MTA1: variants seen among roughly 807,000 people sequenced by gnomAD.
MTA1 encodes metastasis-associated protein MTA1.
A neutral mutation model predicts 97.0 loss-of-function variants in MTA1; 15 were observed. That is an observed-to-expected ratio of 0.15 (90% confidence interval 0.10 to 0.24). The LOEUF (loss-of-function observed/expected upper bound fraction) is 0.24. Among genes scored for constraint, MTA1 ranks in the 10% least tolerant of loss-of-function variants. The pLI, the probability that MTA1 is intolerant of heterozygous loss-of-function variation, is 1.00. For synonymous variants in MTA1, 435 were observed against 417.5 expected (o/e 1.04, Z -0.51); for missense variants, 709 against 1,015.1 (o/e 0.70, Z 4.10).
At chr14:105,425,121 C>G (rs1400179745) in intron 1 of MTA1, among the ~76,000 whole-genome samples, 2 of 152,312 alleles carry the variant, frequency 1.3e-5, no homozygotes, top group Non-Finnish European at 2.9e-5. Context: ...TGCAGGGCCT[C>G]CTTCCTCCTC....
At chr14:105,426,792 G>C (rs1391367090) in intron 1 of MTA1, among the ~76,000 whole-genome samples, 1 of 152,242 alleles carries the variant, frequency 6.6e-6, no homozygotes, top group Non-Finnish European at 1.5e-5. Flanking sequence ...GCTTGCAGCA[G>C]TGCCCAGGTT....
rs782437285 is a variant in MTA1, at chr14:105,469,889, G to C, written c.1894G>C (p.Val632Leu). 1 of 1,611,238 alleles carries C rather than the reference G, an allele frequency of 6.2e-7. No homozygotes were observed. Among genetic ancestry groups the C allele is most frequent in the Non-Finnish European group, 8.5e-7 (1 of 1,179,366 alleles). ...LLNGKSYPTK[V>L]RLIRGGSLPP... is the part of the protein sequence containing the mutation. ...CAACGGGAAGTCCTACCCCACCAAA[G>C]TGCGCCTGATCCGGGGGGGCTCCCT... The change falls in exon 20 of 21, where the codon GTG (valine) becomes CTG (leucine). Residue 632 changes from valine (V) to leucine (L), a missense_variant. This residue lies in a region of MTA1 where 388 missense variants were observed against 421.6 expected (regional missense o/e 0.92). Transcript: ENST00000331320.
rs781897337 is a variant in MTA1 at position 105,445,426 on chromosome 14, T to C, written c.105T>C (p.Asn35=). 1.7e-5 allele frequency: 28 copies of C among 1,613,606 alleles called. No homozygotes were observed. Among genetic ancestry groups the C allele is most frequent in the Non-Finnish European group, 1.5e-5 (18 of 1,179,916 alleles). ...CTGCCTTGCTGTTACAGACGGCCAA[T>C]GGGAACGTGGAGGCCAAAGTGGTGT... ...RRIEELNKTA[N]GNVEAKVVCF... is the part of the protein sequence containing the mutation. Residue 35 remains asparagine, a synonymous_variant, in exon 3 of 21, where the codon AAT becomes AAC. Transcript: ENST00000331320.
In MTA1 at chr14:105,419,959, T is replaced by A; in HGVS notation, c.-77T>A. On this transcript the variant is annotated 5_prime_UTR_variant, in exon 1 of 21. Transcript: ENST00000331320. ...CCTGCGGCGCCCCCCGCCCCCGCCA[T>A]CGCGCCTCCATTTTCCCGGCCGCCC... The A allele has an allele frequency of 3.8e-6, 2 of 529,084 alleles. No individual in the cohort carries two copies. The highest frequency in any genetic ancestry group is 4.7e-6 in the Non-Finnish European group (2 of 424,152). 32.8% of individuals were successfully genotyped at this position (529,084 alleles called of 1,614,324 possible). A position where few individuals can be genotyped will look rare whatever the true frequency, so the allele number is the denominator to read the frequency against.
chr14:105,468,296 A>G (rs1462058423), intron 18 of MTA1: 1 of 1,303,744 alleles, frequency 7.7e-7, no homozygotes, highest in Non-Finnish European at 1.0e-6. Context: ...TCACTAACCT[A>G]AAGCATGTGT....
intron 3 of MTA1, 128 bp from the exon 4 acceptor site, chr14:105,449,231 C>T (rs1374444026): frequency 3.0e-5 from 26 of 876,782 alleles, no homozygotes; most frequent in Admixed American, 3.0e-5. Context: ...CACGCCCCAC[C>T]GGGAGGCCTG....
At chr14:105,425,610 C>G (rs111918664) in intron 1 of MTA1, among the ~76,000 whole-genome samples, 1 of 152,144 alleles carries the variant, frequency 6.6e-6, no homozygotes, top group Non-Finnish European at 1.5e-5. Context: ...AATGTCTTTC[C>G]TCGTGTGCTA....
chr14:105,467,584 T>C (rs1335563809), intron 18 of MTA1: 9 of 434,030 alleles, frequency 2.1e-5, no homozygotes, highest in Non-Finnish European at 4.2e-5. Context: ...TCTCCACCTG[T>C]CTGGACACGC....
chr14:105,437,208 T>C (rs1555424556), intron 1 of MTA1, among the ~76,000 whole-genome samples: 1 of 152,120 alleles, frequency 6.6e-6, no homozygotes, highest in East Asian at 1.9e-4. Context: ...TCCTCCCAGG[T>C]GTGCACCCAC....
At chr14:105,426,496 C>T (rs929565535) in intron 1 of MTA1, among the ~76,000 whole-genome samples, 3 of 151,794 alleles carry the variant, frequency 2.0e-5, no homozygotes, top group African/African-American at 4.8e-5. Flanking sequence ...ACAGCAAGGG[C>T]GCAGCGCACG....
rs1555433902 is a variant in MTA1 at position 105,469,868 on chromosome 14, G to A, written c.1873G>A (p.Gly625Arg). The stretch of plus-strand genomic sequence containing the variant: ...ACCAAGCCGGAACCTCCTGCTCAAC[G>A]GGAAGTCCTACCCCACCAAAGTGCG... ...MGPSRNLLLN[G>R]KSYPTKVRLI... The change falls in exon 20 of 21, where the codon GGG (glycine) becomes AGG (arginine). Residue 625 changes from glycine (G) to arginine (R), a missense_variant. By Grantham distance (125) the Gly-to-Arg change is moderately radical. Coordinates refer to ENST00000331320, the MANE Select transcript of MTA1 (RefSeq NM_004689.4). The A allele has an allele frequency of 1.9e-6, 3 of 1,609,704 alleles. No individual in the cohort carries two copies. The highest frequency in any genetic ancestry group is 2.5e-6 in the Non-Finnish European group (3 of 1,178,670).
intron 1 of MTA1, among the ~76,000 whole-genome samples, chr14:105,421,034 ACT>A (rs2081816429): frequency 1.3e-5 from 2 of 151,788 alleles, no homozygotes; most frequent in African/African-American, 2.4e-5. Context: ...TGCCCAGAAC[ACT>A]CTGTGTCTCT....
At chr14:105,446,730 C>T (rs1246515636) in intron 3 of MTA1, among the ~76,000 whole-genome samples, 3 of 152,234 alleles carry the variant, frequency 2.0e-5, no homozygotes, top group Non-Finnish European at 4.4e-5. Flanking sequence ...CCTCAGCAAC[C>T]AGTGGATGCG....
chr14:105,469,741 TGGG>T (rs2083753766), intron 19 of MTA1, 97 bp from the exon 20 acceptor site: 3 of 1,439,834 alleles, frequency 2.1e-6, no homozygotes, highest in Middle Eastern at 2.0e-4. Flanking sequence ...ACTGGGGTGG[TGGG>T]GGGTTGGCCA....
At chr14:105,464,205 T>A (rs939328625) in intron 13 of MTA1, 58 bp downstream of exon 13, 16 of 1,549,090 alleles carry the variant, frequency 1.0e-5, no homozygotes, top group Non-Finnish European at 2.6e-6. Context: ...CCGTGGTGCC[T>A]GCGTTGGCCC....
chr14:105,427,442 A>T (rs1281405566), intron 1 of MTA1, among the ~76,000 whole-genome samples: 1 of 152,126 alleles, frequency 6.6e-6, no homozygotes, highest in African/African-American at 2.4e-5. Context: ...GCAGGCTGGG[A>T]TGGGTCCCAT....
chr14:105,443,113 A>G (rs1373344472), intron 2 of MTA1, among the ~76,000 whole-genome samples: 3 of 152,204 alleles, frequency 2.0e-5, no homozygotes, highest in Non-Finnish European at 4.4e-5. Flanking sequence ...GGAGCCTGTC[A>G]GGGACACAGG....
rs1283793225 is a variant in MTA1 at position 105,470,314 on chromosome 14, C to T, written c.*99C>T. The T allele has an allele frequency of 2.9e-6, 3 of 1,042,036 alleles. No individual in the cohort carries two copies. The highest frequency in any genetic ancestry group is 3.9e-6 in the Non-Finnish European group (3 of 776,338). 64.5% of individuals were successfully genotyped at this position (1,042,036 alleles called of 1,614,324 possible). ...CGCCCCTCAGTTTGGTAGTGCCCCA[C>T]CTCCCGCCCTCACCTGCAGAGAAAC... On this transcript the variant is annotated 3_prime_UTR_variant, in exon 21 of 21. Coordinates refer to ENST00000331320, the MANE Select transcript of MTA1 (RefSeq NM_004689.4).
intron 4 of MTA1, among the ~76,000 whole-genome samples, 173 bp downstream of exon 4, chr14:105,449,582 T>A (rs2082844660): frequency 1.3e-5 from 2 of 152,112 alleles, no homozygotes; most frequent in Non-Finnish European, 2.9e-5. Context: ...GGCCCAGGCT[T>A]GGTGCGGCCC....
Sources: gnomAD v4.1 joint callset for allele counts (sites outside exome capture counted in the v4.1 genomes callset) on GRCh38, gnomAD v4.1.1 for gene constraint, gnomAD v4.1.1 regional missense constraint, MANE v1.5 for transcripts, NCBI Gene and HGNC (gene_info 2026-07-23, HGNC 2026-07-21) for gene names.